Variants in PTK2B observed in about 807,000 individuals in gnomAD.
PTK2B encodes protein tyrosine kinase 2 beta, also known as protein-tyrosine kinase 2-beta.
Under a neutral mutation model 142.9 loss-of-function variants are expected in PTK2B, and 71 were observed. The observed-to-expected ratio is 0.50, with a 90% CI of 0.41 to 0.61. PTK2B has a LOEUF of 0.61. PTK2B is among the 20% of genes least tolerant of loss of function. The pLI, the probability that PTK2B is intolerant of heterozygous loss-of-function variation, is 0.00. For missense variants in PTK2B, 1,105 were observed against 1,320.4 expected, an observed-to-expected ratio of 0.84 and a Z score of 2.53; for synonymous variants, 519 against 503.4, an observed-to-expected ratio of 1.03 and a Z score of -0.42.
At chr8:27,362,215 G>C (rs1805751089) in intron 1 of PTK2B, among the ~76,000 whole-genome samples, 1 of 151,986 alleles carries the variant, frequency 6.6e-6, no homozygotes, top group South Asian at 2.1e-4. Context: ...CCTCAGGGCA[G>C]CACCAGGAGC....
intron 2 of PTK2B, among the ~76,000 whole-genome samples, chr8:27,411,116 A>C (rs1809032334): frequency 6.6e-6 from 1 of 152,266 alleles, no homozygotes. Flanking sequence ...CAATCTAGTG[A>C]ATAGATAATC....
At chr8:27,316,644 A>T (rs1803101764) in intron 3 of PTK2B, among the ~76,000 whole-genome samples, 1 of 152,228 alleles carries the variant, frequency 6.6e-6, no homozygotes, top group African/African-American at 2.4e-5. Context: ...TGTTCATCAG[A>T]GTTACCAAGT....
rs117615771 is a variant in PTK2B at position 27,363,249 on chromosome 8, C to T, written c.-37-34299C>T. On this transcript the variant is annotated intron_variant, in intron 1 of 30. Transcript: ENST00000346049. This position sits in a 1 kb window ranked among gnomAD's most constrained non-coding sequence, Gnocchi z 4.3. Reference sequence around the variant, plus strand: ...AGGGAGAGAGGGGAGCCAGAGAGGACGTCTCGTGAGAAGTGTTTGGAGGAA... The same window carrying T: ...AGGGAGAGAGGGGAGCCAGAGAGGATGTCTCGTGAGAAGTGTTTGGAGGAA... Among the ~76,000 whole-genome samples, 699 of 152,114 alleles carry T rather than the reference C, an allele frequency of 4.6e-3. 7 individuals are homozygous for T. The highest frequency in any genetic ancestry group is 0.037 in the East Asian group (191 of 5,150).
rs1246127074 is a variant in PTK2B, at chr8:27,458,959, T to G, written c.*450T>G. 1 of 318,530 alleles carries G rather than the reference T, an allele frequency of 3.1e-6. No individual in the cohort carries two copies. The highest frequency in any genetic ancestry group is 5.9e-6 in the Non-Finnish European group (1 of 169,238). 19.7% of individuals were successfully genotyped at this position (318,530 alleles called of 1,614,324 possible). On this transcript the variant is annotated 3_prime_UTR_variant, in exon 31 of 31. Coordinates refer to ENST00000346049, the MANE Select transcript of PTK2B (RefSeq NM_173176.3). ...CTGGGGAGGAGCTTTGTTTTGGGGG[T>G]CAGGCAGCCAGTGAGATGAGGGATG...
At chr8:27,386,951 C>T (rs1807401770) in intron 1 of PTK2B, among the ~76,000 whole-genome samples, 1 of 151,348 alleles carries the variant, frequency 6.6e-6, no homozygotes, top group South Asian at 2.1e-4. Flanking sequence ...TTAATCAAGT[C>T]CTACATATCC....
At position 27,359,165 on chromosome 8, in the gene PTK2B, G is replaced by C. The variant is rs566737170; in HGVS notation, c.-38+33484G>C. On this transcript the variant is annotated intron_variant, in intron 1 of 30. Transcript: ENST00000346049. Reference sequence around the variant, plus strand: ...TAGTCTTGCTCTGTCACCCAGGCTGGAGTGCAGTGGCGCGATCTCAGCTCA... The same window carrying C: ...TAGTCTTGCTCTGTCACCCAGGCTGCAGTGCAGTGGCGCGATCTCAGCTCA... 1.4e-3 allele frequency among the ~76,000 whole-genome samples: 217 copies of C among 152,236 alleles called. 2 individuals carry two copies. Among genetic ancestry groups the C allele is most frequent in the Middle Eastern group, 6.8e-3 (2 of 294 alleles).
intron 1 of PTK2B, among the ~76,000 whole-genome samples, chr8:27,333,542 C>G (rs1803883549): frequency 6.6e-6 from 1 of 152,172 alleles, no homozygotes; most frequent in African/African-American, 2.4e-5. Flanking sequence ...ATGCAGGCAT[C>G]CCCTGGAGGC....
intron 30 of PTK2B, among the ~76,000 whole-genome samples, chr8:27,458,008 C>T (rs868272030): frequency 1.0e-4 from 15 of 148,610 alleles, no homozygotes; most frequent in African/African-American, 3.0e-4. Flanking sequence ...AGATCAGATT[C>T]GCATTTTAGA....
At chr8:27,433,382 G>T (rs777632066) in intron 10 of PTK2B, 53 bp from the exon 11 acceptor site, 4 of 1,476,430 alleles carry the variant, frequency 2.7e-6, no homozygotes, top group Non-Finnish European at 3.8e-6. Flanking sequence ...CCCTGGGGGT[G>T]GTCTCTAGCC....
In PTK2B at chr8:27,350,991, ATATATATATATATATATATATATATAT is replaced by A. The variant is rs1366314257; in HGVS notation, c.-38+25311_-38+25337del. ...TCTCCGTCTCAAAAAAAAAAAAAAA[ATATATATATATATATATATATATATAT>A]ATATATATATATATATATATATACG... On this transcript the variant is annotated intron_variant, in intron 1 of 30. Transcript: ENST00000346049. Among the ~76,000 whole-genome samples the A allele has an allele frequency of 3.0e-3, 70 of 23,060 alleles. 21 individuals carry two copies. Among genetic ancestry groups the A allele is most frequent in the African/African-American group, 0.012 (48 of 4,150 alleles). The allele number at this position is 23,060 out of a possible 152,430, so 15.1% of individuals were successfully genotyped here. A position where few individuals can be genotyped will look rare whatever the true frequency, so the allele number is the denominator to read the frequency against.
At chr8:27,362,132 G>A (rs1457745335) in intron 1 of PTK2B, among the ~76,000 whole-genome samples, 2 of 152,148 alleles carry the variant, frequency 1.3e-5, no homozygotes, top group African/African-American at 4.8e-5. Flanking sequence ...TCCAGGTCTG[G>A]CCCTGAGCCT....
Position 27,413,616 on chromosome 8 carries a change from G to A in PTK2B, c.205-6279G>A, listed in dbSNP as rs537369195. On this transcript the variant is annotated intron_variant, in intron 2 of 30. Coordinates refer to ENST00000346049, the MANE Select transcript of PTK2B (RefSeq NM_173176.3). ...CTTGCTGCTCTCTTCTTGGTGCATC[G>A]AGACAGGAAGCCCGCTGTGCTTACC... Among the ~76,000 whole-genome samples the A allele has an allele frequency of 1.1e-4, 17 of 152,284 alleles. No individual in the cohort carries two copies. The South Asian group carries it at 2.3e-3, about 20-fold the overall frequency.
chr8:27,391,444 C>T (rs1398553882), intron 1 of PTK2B, among the ~76,000 whole-genome samples: 1 of 152,210 alleles, frequency 6.6e-6, no homozygotes, highest in Non-Finnish European at 1.5e-5. Flanking sequence ...ATGTTTGGGA[C>T]TCTCAGCATC....
chr8:27,324,880 G>T (rs552987746), upstream of PTK2B, among the ~76,000 whole-genome samples: 1 of 152,190 alleles, frequency 6.6e-6, no homozygotes. Context: ...TTGAGTGCCT[G>T]CTCACATATC....
At chr8:27,385,255 G>C (rs1181829976) in intron 1 of PTK2B, among the ~76,000 whole-genome samples, 2 of 152,184 alleles carry the variant, frequency 1.3e-5, no homozygotes, top group African/African-American at 4.8e-5. Context: ...TCTCAGAAGT[G>C]AGCCCTTTGG....
intron 1 of PTK2B, among the ~76,000 whole-genome samples, chr8:27,346,638 A>G (rs149613352): frequency 1.1e-3 from 161 of 152,370 alleles, no homozygotes; most frequent in African/African-American, 3.4e-3. Flanking sequence ...GAAAAATGGA[A>G]CATCACAAAG....
upstream of PTK2B, among the ~76,000 whole-genome samples, chr8:27,321,438 G>A (rs1803214795): frequency 6.6e-6 from 1 of 152,184 alleles, no homozygotes; most frequent in African/African-American, 2.4e-5. Flanking sequence ...CCAAAATAAA[G>A]TAACCCAAGC....
At chr8:27,392,899 C>T (rs1436782838) in intron 1 of PTK2B, among the ~76,000 whole-genome samples, 1 of 152,146 alleles carries the variant, frequency 6.6e-6, no homozygotes, top group African/African-American at 2.4e-5. Flanking sequence ...CGTCTAGGAC[C>T]TCTCAAGACA....
intron 24 of PTK2B, among the ~76,000 whole-genome samples, chr8:27,450,200 C>A (rs17057205): frequency 0.038 from 5,710 of 152,196 alleles, 367 homozygotes; most frequent in African/African-American, 0.13. Context: ...TTCATGGACA[C>A]ACGTGGGACT....
Sources: gnomAD v4.1 joint callset for allele counts (sites outside exome capture counted in the v4.1 genomes callset) on GRCh38, gnomAD v4.1.1 for gene constraint, Gnocchi (gnomAD v3.1) non-coding constraint, MANE v1.5 for transcripts, NCBI Gene and HGNC (gene_info 2026-07-23, HGNC 2026-07-21) for gene names.